The following PPARGC1A variants were observed in gnomAD, a reference collection of about 807,000 sequenced individuals.
PPARGC1A encodes PPARG coactivator 1 alpha.
PPARGC1A carries 25 observed loss-of-function variants against 88.7 expected under a neutral mutation model. The observed-to-expected ratio is 0.28, with a 90% CI of 0.21 to 0.39. The LOEUF is 0.39. PPARGC1A is among the 10% of genes least tolerant of loss of function. PPARGC1A has a pLI of 1.00. For missense variants in PPARGC1A, 880 were observed against 968.7 expected (o/e 0.91, Z 1.22); for synonymous variants, 363 against 355.6 (o/e 1.02, Z -0.24).
the PPARGC1A span, among the ~76,000 whole-genome samples, chr4:24,102,885 A>G: frequency 1.3e-5 from 2 of 152,292 alleles, no homozygotes; most frequent in East Asian, 3.9e-4. Context: ...TCCCACTGAA[A>G]ACAACACTGC....
the PPARGC1A span, among the ~76,000 whole-genome samples, chr4:24,368,821 A>G: frequency 6.6e-6 from 1 of 152,204 alleles, no homozygotes; most frequent in Admixed American, 6.5e-5. Context: ...CACATCCATC[A>G]GGAGACGCGG....
the PPARGC1A span, among the ~76,000 whole-genome samples, chr4:24,191,224 G>A: frequency 6.6e-6 from 1 of 152,222 alleles, no homozygotes; most frequent in Non-Finnish European, 1.5e-5. Context: ...GTCAACAGCA[G>A]CTTGGACGTG....
chr4:23,877,213 A>T (rs1714884981), intron 2 of PPARGC1A, among the ~76,000 whole-genome samples: 1 of 152,002 alleles, frequency 6.6e-6, no homozygotes, highest in African/African-American at 2.4e-5. Flanking sequence ...CTCTGAGCGC[A>T]CAGTCTTAAA....
chr4:24,269,683 A>AT, the PPARGC1A span, among the ~76,000 whole-genome samples: 58,299 of 141,396 alleles, frequency 0.41, 11,748 homozygotes, highest in East Asian at 0.62. Context: ...CATCATCATC[A>AT]CACAAAAAAA....
the PPARGC1A span, among the ~76,000 whole-genome samples, chr4:24,139,498 G>T: frequency 1.3e-5 from 2 of 152,136 alleles, no homozygotes; most frequent in South Asian, 2.1e-4. Flanking sequence ...GAATGTTTGA[G>T]TAAAAAACAT....
At chr4:24,256,809 T>C in the PPARGC1A span, among the ~76,000 whole-genome samples, 1 of 152,186 alleles carries the variant, frequency 6.6e-6, no homozygotes, top group Non-Finnish European at 1.5e-5. Context: ...GGTCATTGTC[T>C]TCCGAAACTT....
the PPARGC1A span, among the ~76,000 whole-genome samples, chr4:23,920,941 C>A: frequency 2.0e-5 from 3 of 151,948 alleles, no homozygotes; most frequent in Non-Finnish European, 4.4e-5. Flanking sequence ...AGCCGCAGGA[C>A]CCAGCCTGGG....
chr4:24,139,197 G>A, the PPARGC1A span, among the ~76,000 whole-genome samples: 4 of 151,372 alleles, frequency 2.6e-5, no homozygotes, highest in South Asian at 2.1e-4. Context: ...GCAGTGGTGC[G>A]ATCTCATCTC....
chr4:24,033,595 C>T, the PPARGC1A span, among the ~76,000 whole-genome samples: 12 of 152,294 alleles, frequency 7.9e-5, no homozygotes, highest in African/African-American at 2.2e-4. Flanking sequence ...AAGAACACAT[C>T]CTTGTCTCTG....
the PPARGC1A span, among the ~76,000 whole-genome samples, chr4:24,027,704 T>G: frequency 6.6e-6 from 1 of 152,140 alleles, no homozygotes; most frequent in African/African-American, 2.4e-5. Flanking sequence ...TGTATGGAAA[T>G]GATCAGTACC....
At chr4:24,088,115 G>A in the PPARGC1A span, among the ~76,000 whole-genome samples, 63 of 152,266 alleles carry the variant, frequency 4.1e-4, no homozygotes, top group African/African-American at 1.0e-3. Context: ...TTGGGAGGCC[G>A]AGGCAAGAGG....
intron 7 of PPARGC1A, among the ~76,000 whole-genome samples, chr4:23,815,927 A>T (rs190846441): frequency 2.0e-5 from 3 of 152,284 alleles, no homozygotes; most frequent in African/African-American, 4.8e-5. Flanking sequence ...CACAACACAC[A>T]TATATCGAGA....
the PPARGC1A span, among the ~76,000 whole-genome samples, chr4:24,069,633 C>T: frequency 9.9e-4 from 150 of 152,266 alleles, no homozygotes; most frequent in Middle Eastern, 3.4e-3. Flanking sequence ...CCAGAAGCCA[C>T]TGCTAAAAGC....
the PPARGC1A span, among the ~76,000 whole-genome samples, chr4:24,191,453 G>C: frequency 2.0e-5 from 3 of 152,170 alleles, no homozygotes; most frequent in Non-Finnish European, 4.4e-5. Context: ...CTAAGCCAAT[G>C]CTTTTTCCAT....
the PPARGC1A span, among the ~76,000 whole-genome samples, chr4:23,947,130 C>T: frequency 1.3e-5 from 2 of 151,802 alleles, no homozygotes; most frequent in African/African-American, 4.8e-5. Flanking sequence ...GCAATCACCT[C>T]ACTGAGAGAA....
the PPARGC1A span, among the ~76,000 whole-genome samples, chr4:24,445,863 T>A: frequency 6.6e-6 from 1 of 152,006 alleles, no homozygotes; most frequent in African/African-American, 2.4e-5. Context: ...AGGCCAGGAG[T>A]TCGGGACCAG....
the PPARGC1A span, among the ~76,000 whole-genome samples, chr4:24,432,158 T>A: frequency 6.6e-6 from 1 of 151,942 alleles, no homozygotes; most frequent in Non-Finnish European, 1.5e-5. Flanking sequence ...AAAGTGAAGT[T>A]AAAAGAGGGG....
the PPARGC1A span, among the ~76,000 whole-genome samples, chr4:24,458,455 C>A: frequency 9.2e-5 from 14 of 152,148 alleles, no homozygotes; most frequent in African/African-American, 3.4e-4. Flanking sequence ...GAGCCAAGAT[C>A]GTGCCACTGC....
the PPARGC1A span, among the ~76,000 whole-genome samples, chr4:24,192,679 A>G: frequency 2.0e-5 from 3 of 152,360 alleles, no homozygotes; most frequent in African/African-American, 7.2e-5. Context: ...ACTGTACTTC[A>G]ATTAGAAAAA....
Sources: gnomAD v4.1 joint callset for allele counts (sites outside exome capture counted in the v4.1 genomes callset) on GRCh38, gnomAD v4.1.1 for gene constraint, MANE v1.5 for transcripts, NCBI Gene and HGNC (gene_info 2026-07-23, HGNC 2026-07-21) for gene names.